Variants in B4GALT1 observed in about 807,000 individuals in gnomAD.
The protein encoded by B4GALT1 is N-acetyllactosamine synthase.
Under a neutral mutation model 34.9 loss-of-function variants are expected in B4GALT1, and 16 were observed. The observed-to-expected ratio is 0.46, with a 90% CI of 0.31 to 0.70. B4GALT1 has a LOEUF of 0.70. Among genes scored for constraint, B4GALT1 ranks in the 30% least tolerant of loss-of-function variants. The pLI is 0.05. For missense variants in B4GALT1, 445 were observed against 530.5 expected (o/e 0.84, Z 1.58); for synonymous variants, 221 against 218.1 (o/e 1.01, Z -0.12).
At chr9:33,117,951 C>A (rs1208502208) in intron 3 of B4GALT1, among the ~76,000 whole-genome samples, 1 of 152,210 alleles carries the variant, frequency 6.6e-6, no homozygotes, top group Non-Finnish European at 1.5e-5. Flanking sequence ...GTTTTGCTGT[C>A]TCTGCTGCTT....
At chr9:33,156,644 T>A (rs1216226352) in intron 1 of B4GALT1, among the ~76,000 whole-genome samples, 3 of 152,174 alleles carry the variant, frequency 2.0e-5, no homozygotes, top group Non-Finnish European at 4.4e-5. Context: ...AAGCCTTTCT[T>A]CATTAGGGCC....
intron 1 of B4GALT1, among the ~76,000 whole-genome samples, chr9:33,139,122 AC>A (rs1377295028): frequency 6.6e-6 from 1 of 152,094 alleles, no homozygotes; most frequent in Non-Finnish European, 1.5e-5. Flanking sequence ...ATGTATCAAG[AC>A]CACTTTCAAT....
Position 33,157,063 on chromosome 9 carries a change from TACACACACAC to T in B4GALT1, c.412+9685_412+9694del, listed in dbSNP as rs371027641. Among the ~76,000 whole-genome samples the T allele has an allele frequency of 2.0e-3, 172 of 87,306 alleles. 4 individuals carry two copies. Among genetic ancestry groups the T allele is most frequent in the Admixed American group, 6.9e-3 (63 of 9,112 alleles). 57.3% of individuals were successfully genotyped at this position (87,306 alleles called of 152,430 possible). On this transcript the variant is annotated intron_variant, in intron 1 of 5. Transcript: ENST00000379731. ...CCACATGGTGTCCAGCATAGGGAAC[TACACACACAC>T]ACACACACACACACACACACACACA...
chr9:33,177,390 G>A, the B4GALT1 span: 12 of 152,208 alleles, frequency 7.9e-5, no homozygotes, highest in South Asian at 2.1e-4. Flanking sequence ...CCACTTCTGG[G>A]TGTTAATTTG....
intron 4 of B4GALT1, among the ~76,000 whole-genome samples, chr9:33,114,488 C>T (rs1207310689): frequency 6.6e-6 from 1 of 152,112 alleles, no homozygotes. Context: ...CAAACGGTTG[C>T]CAGTATCTGA....
At chr9:33,125,016 T>C (rs748571184) in intron 2 of B4GALT1, among the ~76,000 whole-genome samples, 1 of 152,214 alleles carries the variant, frequency 6.6e-6, no homozygotes, top group Non-Finnish European at 1.5e-5. Context: ...CCTAATCTTA[T>C]GTTGGTAGAC....
chr9:33,129,300 T>G (rs938280079), intron 2 of B4GALT1, among the ~76,000 whole-genome samples: 2 of 152,112 alleles, frequency 1.3e-5, no homozygotes, highest in Non-Finnish European at 2.9e-5. Context: ...ATTAATAGGT[T>G]TTCTGCATTT....
downstream of B4GALT1, among the ~76,000 whole-genome samples, chr9:33,109,864 T>C (rs1839834142): frequency 6.6e-6 from 1 of 152,176 alleles, no homozygotes. Flanking sequence ...AACTGAAGTG[T>C]TGTGAGTGGT....
At chr9:33,138,100 G>A (rs1840297130) in intron 1 of B4GALT1, among the ~76,000 whole-genome samples, 1 of 152,214 alleles carries the variant, frequency 6.6e-6, no homozygotes, top group East Asian at 1.9e-4. Context: ...AACCCACCCA[G>A]AAAACAGGAA....
chr9:33,165,011 C>T (rs1840728113), intron 1 of B4GALT1, among the ~76,000 whole-genome samples: 1 of 145,940 alleles, frequency 6.9e-6, no homozygotes, highest in African/African-American at 2.5e-5. Flanking sequence ...CTTGCTTCGT[C>T]GCCCAGGCTG....
At chr9:33,166,574 G>A (rs1325294684) in intron 1 of B4GALT1, among the ~76,000 whole-genome samples, 184 bp downstream of exon 1, 3 of 152,190 alleles carry the variant, frequency 2.0e-5, no homozygotes, top group African/African-American at 7.2e-5. Context: ...ACTCCCCAGG[G>A]ACCCACCTCG....
upstream of B4GALT1, chr9:33,167,364 G>C: frequency 1.6e-6 from 1 of 645,072 alleles, no homozygotes; most frequent in Non-Finnish European, 2.2e-6. Context: ...GGCGCCGGCG[G>C]AGAGGGGAGG....
At chr9:33,105,492 G>C (rs527982467) in intron 2 of B4GALT1, among the ~76,000 whole-genome samples, 2 of 152,076 alleles carry the variant, frequency 1.3e-5, no homozygotes, top group Non-Finnish European at 2.9e-5. Flanking sequence ...GTCAGTCATC[G>C]GGGGCAGAGT....
At chr9:33,119,587 A>G (rs1360362878) in intron 3 of B4GALT1, among the ~76,000 whole-genome samples, 1 of 152,218 alleles carries the variant, frequency 6.6e-6, no homozygotes, top group Admixed American at 6.5e-5. Flanking sequence ...ATGCTGGCTC[A>G]TGCCTGTAGT....
At chr9:33,146,716 CAG>C (rs1840431233) in intron 1 of B4GALT1, among the ~76,000 whole-genome samples, 1 of 147,278 alleles carries the variant, frequency 6.8e-6, no homozygotes, top group Non-Finnish European at 1.5e-5. Flanking sequence ...TTTTTTGAGA[CAG>C]AGTCTCACTC....
chr9:33,167,385 C>G (rs1840784202), upstream of B4GALT1: 1 of 308,974 alleles, frequency 3.2e-6, no homozygotes, highest in Admixed American at 6.1e-5. Flanking sequence ...GGCGGGGCCC[C>G]GGCGAAGGCG....
chr9:33,127,984 C>T (rs574916977), intron 2 of B4GALT1, among the ~76,000 whole-genome samples: 58 of 152,208 alleles, frequency 3.8e-4, no homozygotes, highest in Non-Finnish European at 7.2e-4. Flanking sequence ...TAGCCTCCCC[C>T]TGACCAGCAG....
Position 33,130,865 on chromosome 9 carries a change from G to A in B4GALT1, c.648+4324C>T, listed in dbSNP as rs372618056. ...AGCAGGAGGCGGTGGGAGCCATGAAGAATTCACCACCACAGAAGCAGGCAG... is the reference window on the plus strand; with the variant it reads ...AGCAGGAGGCGGTGGGAGCCATGAAAAATTCACCACCACAGAAGCAGGCAG... On this transcript the variant is annotated intron_variant, in intron 2 of 5. Transcript: ENST00000379731. Among the ~76,000 whole-genome samples, 14 of 152,034 alleles carry A rather than the reference G, an allele frequency of 9.2e-5. No homozygotes were observed. The East Asian group carries it at 2.7e-3, about 30-fold the overall frequency.
chr9:33,141,168 A>G (rs1479880419), intron 1 of B4GALT1, among the ~76,000 whole-genome samples: 2 of 152,134 alleles, frequency 1.3e-5, no homozygotes, highest in Non-Finnish European at 2.9e-5. Flanking sequence ...TAGGGCATGC[A>G]GGGGTTGGTA....
Sources: allele counts gnomAD v4.1 joint callset (sites outside exome capture counted in the v4.1 genomes callset), GRCh38; gene constraint gnomAD v4.1.1; transcripts MANE v1.5; gene names NCBI Gene and HGNC (gene_info 2026-07-23, HGNC 2026-07-21).